PYGL: variants seen among roughly 807,000 people sequenced by gnomAD.
The protein encoded by PYGL is glycogen phosphorylase, liver form.
Under a neutral mutation model 100.1 loss-of-function variants are expected in PYGL, and 90 were observed. The observed-to-expected ratio is 0.90, with a 90% confidence interval of 0.76 to 1.07. The LOEUF (loss-of-function observed/expected upper bound fraction) is 1.07, where lower values mean the gene tolerates loss of function less well. Ranked by LOEUF, PYGL falls within the 50% of genes least tolerant of loss-of-function variation. The probability of loss-of-function intolerance (pLI) is 0.00; values close to 1 mark genes in which losing one functional copy is unlikely to be tolerated. For missense variants in PYGL, 1,016 were observed against 1,057.6 expected (o/e 0.96, Z 0.55); for synonymous variants, 373 against 393.0 (o/e 0.95, Z 0.60).
intron 5 of PYGL, 72 bp downstream of exon 5, chr14:50,923,897 C>G: frequency 2.0e-6 from 3 of 1,483,866 alleles, no homozygotes; most frequent in Non-Finnish European, 2.8e-6. Context: ...CCACTATATG[C>G]TACATAGTCA....
chr14:50,937,684 G>A (rs2050666287), intron 2 of PYGL, 52 bp downstream of exon 2: 3 of 1,518,618 alleles, frequency 2.0e-6, no homozygotes, highest in Admixed American at 1.7e-5. Flanking sequence ...GTTTCCTGAA[G>A]TGCACATGAA....
intron 3 of PYGL, among the ~76,000 whole-genome samples, chr14:50,933,765 T>C (rs944318737): frequency 2.1e-4 from 32 of 151,404 alleles, no homozygotes; most frequent in Middle Eastern, 3.4e-3. Flanking sequence ...CACACATATA[T>C]ACACACACAC....
intron 5 of PYGL, 74 bp downstream of exon 5, chr14:50,923,895 T>A: frequency 6.6e-7 from 1 of 1,515,438 alleles, no homozygotes; most frequent in Non-Finnish European, 9.2e-7. Flanking sequence ...CACCACTATA[T>A]GCTACATAGT....
chr14:50,912,875 A>G, intron 13 of PYGL, 154 bp downstream of exon 13: 2 of 660,288 alleles, frequency 3.0e-6, no homozygotes, highest in Non-Finnish European at 5.3e-6. Context: ...AATCGCTTGA[A>G]CCTGGGAGGC....
chr14:50,938,815 T>C (rs1232971994), intron 1 of PYGL, among the ~76,000 whole-genome samples: 1 of 152,094 alleles, frequency 6.6e-6, no homozygotes, highest in Non-Finnish European at 1.5e-5. Flanking sequence ...GAATAAAGCA[T>C]AGGTTTTGGA....
intron 5 of PYGL, 25 bp from the exon 6 acceptor site, chr14:50,921,092 G>A: frequency 6.5e-7 from 1 of 1,550,008 alleles, no homozygotes; most frequent in Middle Eastern, 1.7e-4. Flanking sequence ...AGAAGCAGCT[G>A]CTCATTGTTT....
At chr14:50,917,851 G>A (rs181885980) in intron 7 of PYGL, among the ~76,000 whole-genome samples, 7 of 152,254 alleles carry the variant, frequency 4.6e-5, no homozygotes, top group African/African-American at 1.7e-4. Context: ...CTAACCCTGA[G>A]CCATCACACT....
intron 2 of PYGL, among the ~76,000 whole-genome samples, chr14:50,936,720 G>A (rs1694643089): frequency 1.3e-5 from 2 of 152,022 alleles, no homozygotes; most frequent in Non-Finnish European, 2.9e-5. Context: ...GAGGCTGGGA[G>A]GTGGAGATTG....
At chr14:50,924,330 G>A (rs547653480) in intron 4 of PYGL, among the ~76,000 whole-genome samples, 3 of 152,266 alleles carry the variant, frequency 2.0e-5, no homozygotes, top group Admixed American at 6.5e-5. Context: ...ATGAGGAATT[G>A]TAACTGCTCA....
intron 2 of PYGL, among the ~76,000 whole-genome samples, chr14:50,936,217 C>A (rs1183015785): frequency 6.6e-6 from 1 of 152,116 alleles, no homozygotes; most frequent in Non-Finnish European, 1.5e-5. Flanking sequence ...GTTAGGCAAC[C>A]CATGAAACTG....
chr14:50,923,673 T>C (rs919391967), intron 5 of PYGL: 1 of 281,020 alleles, frequency 3.6e-6, no homozygotes, highest in African/African-American at 2.7e-5. Context: ...ACTATAGAAC[T>C]GACAATTTTC....
intron 4 of PYGL, among the ~76,000 whole-genome samples, chr14:50,929,499 T>A (rs2050584327): frequency 6.6e-6 from 1 of 152,112 alleles, no homozygotes; most frequent in Non-Finnish European, 1.5e-5. Flanking sequence ...AGAGCAAAGG[T>A]AGGTGTGATA....
At chr14:50,914,334 TA>T (rs2050425753) in intron 12 of PYGL, among the ~76,000 whole-genome samples, 1 of 152,030 alleles carries the variant, frequency 6.6e-6, no homozygotes, top group African/African-American at 2.4e-5. Flanking sequence ...CTGTCTCTAC[TA>T]AAAATACAAA....
intron 11 of PYGL, 21 bp from the exon 12 acceptor site, chr14:50,914,836 T>A (rs1245491456): frequency 6.3e-7 from 1 of 1,583,616 alleles, no homozygotes; most frequent in Middle Eastern, 1.7e-4. Context: ...AGGAGACACA[T>A]CACTGAATTT....
intron 5 of PYGL, among the ~76,000 whole-genome samples, chr14:50,922,460 A>G (rs1462113481): frequency 6.6e-6 from 1 of 152,184 alleles, no homozygotes. Context: ...GCAAGTTGTA[A>G]TCAATCAGGG....
intron 16 of PYGL, among the ~76,000 whole-genome samples, chr14:50,910,917 G>T (rs2050390126): frequency 6.6e-6 from 1 of 152,190 alleles, no homozygotes. Flanking sequence ...ACAAAGGTCA[G>T]GACCACTTTT....
At chr14:50,914,579 T>C (rs2050428231) in intron 12 of PYGL, 122 bp downstream of exon 12, 4 of 751,044 alleles carry the variant, frequency 5.3e-6, no homozygotes, top group South Asian at 1.5e-5. Flanking sequence ...CCTGTGTGAC[T>C]GCACAAACCA....
At chr14:50,927,732 G>C (rs1288514654) in intron 4 of PYGL, among the ~76,000 whole-genome samples, 1 of 152,094 alleles carries the variant, frequency 6.6e-6, no homozygotes, top group African/African-American at 2.4e-5. Context: ...ATTTTATAAG[G>C]CTTGTTTTTA....
chr14:50,936,239 TA>T (rs1228447250), intron 2 of PYGL, among the ~76,000 whole-genome samples: 1 of 152,060 alleles, frequency 6.6e-6, no homozygotes, highest in Non-Finnish European at 1.5e-5. Flanking sequence ...GTATTTTTTT[TA>T]AATGGAAAAA....
Sources: gnomAD v4.1 joint callset for allele counts (sites outside exome capture counted in the v4.1 genomes callset) on GRCh38, gnomAD v4.1.1 for gene constraint, MANE v1.5 for transcripts, NCBI Gene and HGNC (gene_info 2026-07-23, HGNC 2026-07-21) for gene names.